The following MCMDC2 variants were observed in gnomAD, a reference collection of about 807,000 sequenced individuals.
The protein encoded by MCMDC2 is minichromosome maintenance domain-containing protein 2.
In MCMDC2, 54 loss-of-function variants were observed where a neutral mutation model predicts 75.8. The ratio of observed to expected loss-of-function variants is 0.71; its 90% CI spans 0.57 to 0.89. The LOEUF (loss-of-function observed/expected upper bound fraction) is 0.89, where lower values mean the gene tolerates loss of function less well. Among genes scored for constraint, MCMDC2 ranks in the 40% least tolerant of loss-of-function variants. The pLI is 0.00. For synonymous variants in MCMDC2, 249 were observed against 274.6 expected (o/e 0.91, Z 0.92); for missense variants, 656 against 780.4 (o/e 0.84, Z 1.90).
intron 12 of MCMDC2, 92 bp downstream of exon 12, chr8:66,897,051 T>C: frequency 8.4e-7 from 1 of 1,193,294 alleles, no homozygotes; most frequent in Non-Finnish European, 1.2e-6. Context: ...TTTCTTTATT[T>C]AGGATTCTTT....
At chr8:66,907,023 C>T (rs1175840591) in intron 14 of MCMDC2, among the ~76,000 whole-genome samples, 1 of 152,076 alleles carries the variant, frequency 6.6e-6, no homozygotes, top group Non-Finnish European at 1.5e-5. Flanking sequence ...CTGACTTGGC[C>T]TCCCAAAGTG....
At position 66,877,430 on chromosome 8, in the gene MCMDC2, A is replaced by C; in HGVS notation, c.367A>C (p.Thr123Pro). The C allele has an allele frequency of 6.2e-7, 1 of 1,613,176 alleles. No homozygotes were observed. The highest frequency in any genetic ancestry group is 1.1e-5 in the South Asian group (1 of 90,858). Residue 123 changes from threonine (T) to proline (P), a missense_variant, in exon 5 of 15, where the codon ACA (threonine) becomes CCA (proline). Coordinates refer to ENST00000422365, the MANE Select transcript of MCMDC2 (RefSeq NM_173518.5). The stretch of plus-strand genomic sequence containing the variant: ...TCTTTGTGAGTTTCCACTTGATTAT[A>C]CATCTCAGAGATTTTATATGATGCA... ...LDLCEFPLDY[T>P]SQRFYMMQGI...
rs1563379658 is a variant in MCMDC2 at position 66,895,509 on chromosome 8, C to A, written c.1280-661C>A. Reference sequence around the variant, plus strand: ...GCACCCTCCAACTCCTGGGCTCAAGCAATTCTCTCACCTCAGCCTCCCAAG... The same window carrying A: ...GCACCCTCCAACTCCTGGGCTCAAGAAATTCTCTCACCTCAGCCTCCCAAG... On this transcript the variant is annotated intron_variant, in intron 10 of 14. Transcript: ENST00000422365. Among the ~76,000 whole-genome samples, 4 of 151,696 alleles carry A rather than the reference C, an allele frequency of 2.6e-5. No individual in the cohort carries two copies. In the South Asian group the frequency reaches 6.3e-4, roughly 24 times the overall value.
chr8:66,915,723 T>C (rs1813290790), intron 14 of MCMDC2, among the ~76,000 whole-genome samples: 1 of 151,964 alleles, frequency 6.6e-6, no homozygotes, highest in African/African-American at 2.4e-5. Flanking sequence ...ATCACCAGCA[T>C]AGAGGTGGTA....
chr8:66,874,163 A>G lies in MCMDC2; in HGVS notation c.23A>G (p.Glu8Gly), dbSNP rs942499395. 2 of 1,602,072 alleles carry G rather than the reference A, an allele frequency of 1.2e-6. No individual in the cohort carries two copies. The highest frequency in any genetic ancestry group is 2.7e-5 in the African/African-American group (2 of 74,198). The change falls in exon 2 of 15, where the codon GAG becomes GGG. Residue 8 changes from glutamate to glycine, a missense_variant. By Grantham distance (98) the Glu-to-Gly change is moderately conservative. Transcript: ENST00000422365. ...AAAATGTCAAATCTAAAAATGAAAG[A>G]GGCGGCCCTCATCTATCTTGACAGA... Reference protein sequence around the residue: MSNLKMKEAALIYLDRSG... With the variant: MSNLKMKGAALIYLDRSG...
chr8:66,887,329 C>A (rs923985554), intron 9 of MCMDC2, among the ~76,000 whole-genome samples: 1 of 148,590 alleles, frequency 6.7e-6, no homozygotes, highest in Non-Finnish European at 1.5e-5. Context: ...CACCTGAAGT[C>A]AGGAGTTCGA....
rs187724508 is a variant in MCMDC2 at position 66,880,730 on chromosome 8, G to A, written c.710-119G>A. The A allele has an allele frequency of 2.9e-5, 30 of 1,034,834 alleles. No individual in the cohort carries two copies. In the East Asian group the frequency reaches 9.5e-4, roughly 33 times the overall value. The allele number at this position is 1,034,834 out of a possible 1,614,324, so 64.1% of individuals were successfully genotyped here. ...TATATGGATATTATCCTAAACAAAA[G>A]TAAATACTCCTAACTCAACTACTGA... On this transcript the variant is annotated intron_variant, in intron 7 of 14. Transcript: ENST00000422365.
intron 14 of MCMDC2, among the ~76,000 whole-genome samples, chr8:66,917,487 G>A (rs1813367508): frequency 6.6e-6 from 1 of 152,000 alleles, no homozygotes; most frequent in Non-Finnish European, 1.5e-5. Context: ...TCACACTGTT[G>A]GGCAACCATC....
Position 66,896,803 on chromosome 8 carries a change from C to A in MCMDC2, c.1470C>A (p.Asn490Lys), listed in dbSNP as rs748635809. The change falls in exon 12 of 15, where the codon AAC becomes AAA. Residue 490 changes from asparagine to lysine, a missense_variant. Coordinates refer to ENST00000422365, the MANE Select transcript of MCMDC2 (RefSeq NM_173518.5). ...AGGATTGCAGTTTGATTCCAGCTAA[C>A]CTTGTGGAGGCATTTGGTTTATTGA... is the stretch of plus-strand genomic sequence containing the variant. ...GQMDCSLIPANLVEAFGLLIN... is the reference protein window; with the variant it reads ...GQMDCSLIPAKLVEAFGLLIN... The A allele has an allele frequency of 1.2e-6, 2 of 1,611,600 alleles. No individual in the cohort carries two copies. The highest frequency in any genetic ancestry group is 1.7e-6 in the Non-Finnish European group (2 of 1,179,034).
Position 66,880,836 on chromosome 8 carries a change from T to G in MCMDC2, c.710-13T>G. On this transcript the variant is annotated splice_polypyrimidine_tract_variant and intron_variant, in intron 7 of 14. Transcript: ENST00000422365. ...AGTGAATATGTATTTTCTTCTGTCT[T>G]TAATAATTTTAGATGAATCAGTGAA... The G allele has an allele frequency of 6.6e-7, 1 of 1,521,600 alleles. No individual in the cohort carries two copies. The highest frequency in any genetic ancestry group is 2.4e-5 in the East Asian group (1 of 41,940). 94.3% of individuals were successfully genotyped at this position (1,521,600 alleles called of 1,614,324 possible).
chr8:66,901,132 C>A, intron 12 of MCMDC2, 74 bp from the exon 13 acceptor site: 1 of 1,049,132 alleles, frequency 9.5e-7, no homozygotes, highest in Non-Finnish European at 1.4e-6. Flanking sequence ...AATAAAGTGC[C>A]AGTATACTTT....
At chr8:66,907,793 G>A (rs1215151532) in intron 14 of MCMDC2, among the ~76,000 whole-genome samples, 2 of 152,128 alleles carry the variant, frequency 1.3e-5, no homozygotes, top group Middle Eastern at 3.2e-3. Flanking sequence ...ATATCTCATT[G>A]TGGTTTTGAT....
In MCMDC2 at chr8:66,881,057, G is replaced by A. The variant is rs1046919956; in HGVS notation, c.835+83G>A. ...CAGCAGATAAGTATTGTTTGCCTAT[G>A]TGCTAGGCATTCCTCTAAGCACTAA... is the stretch of plus-strand genomic sequence containing the variant. On this transcript the variant is annotated intron_variant, in intron 8 of 14. Coordinates refer to ENST00000422365, the MANE Select transcript of MCMDC2 (RefSeq NM_173518.5). The A allele has an allele frequency of 9.9e-6, 11 of 1,110,414 alleles. No individual in the cohort carries two copies. The Admixed American group carries it at 1.1e-4, about 12-fold the overall frequency. The allele number at this position is 1,110,414 out of a possible 1,614,324, so 68.8% of individuals were successfully genotyped here. A position where few individuals can be genotyped will look rare whatever the true frequency, so the allele number is the denominator to read the frequency against.
chr8:66,914,018 C>G (rs1813214205), intron 14 of MCMDC2, among the ~76,000 whole-genome samples: 1 of 150,492 alleles, frequency 6.6e-6, no homozygotes, highest in Non-Finnish European at 1.5e-5. Flanking sequence ...TGGCTCATGC[C>G]TGTAATCCCA....
intron 12 of MCMDC2, among the ~76,000 whole-genome samples, chr8:66,898,892 A>G (rs1200331726): frequency 2.6e-5 from 4 of 152,238 alleles, no homozygotes; most frequent in Non-Finnish European, 5.9e-5. Context: ...ATGGAAAACG[A>G]TAAGACCAGC....
In MCMDC2 at chr8:66,905,246, A is replaced by C. The variant is rs1218065612; in HGVS notation, c.1790A>C (p.His597Pro). 68 of 1,486,346 alleles carry C rather than the reference A, an allele frequency of 4.6e-5. No individual in the cohort carries two copies. Among genetic ancestry groups the C allele is most frequent in the Non-Finnish European group, 9.0e-7 (1 of 1,115,424 alleles). The allele number at this position is 1,486,346 out of a possible 1,614,324, so 92.1% of individuals were successfully genotyped here. ...LKYLVFLSEA[H>P]ARLNLRNKVL... ...TTTAGCGTTTTCCTATCTGAAGCCC[A>C]TGCACGACTGAACTTAAGGAACAAA... Residue 597 changes from histidine to proline, a missense_variant, in exon 14 of 15, where the codon CAT becomes CCT. By Grantham distance (77) the His-to-Pro change is moderately conservative (BLOSUM62 -2). Transcript: ENST00000422365.
Position 66,871,918 on chromosome 8 carries a change from G to A in MCMDC2, c.-89+1087G>A, listed in dbSNP as rs368364828. ...CCTGTCTCAAAAAAAAAAAAAATCT[G>A]ACTATAATACTAACCCCCTTAAAAA... is the stretch of plus-strand genomic sequence containing the variant. On this transcript the variant is annotated intron_variant, in intron 1 of 14. Transcript: ENST00000422365. 1.1e-4 allele frequency among the ~76,000 whole-genome samples: 17 copies of A among 150,650 alleles called. No individual in the cohort carries two copies. The East Asian group carries it at 2.9e-3, about 26-fold the overall frequency.
intron 14 of MCMDC2, among the ~76,000 whole-genome samples, chr8:66,912,231 ATG>A (rs1813147372): frequency 6.6e-6 from 1 of 152,222 alleles, no homozygotes; most frequent in Non-Finnish European, 1.5e-5. Context: ...GTAACTGCAA[ATG>A]TGGCGGCAAC....
downstream of MCMDC2, chr8:66,922,473 A>G: frequency 1.9e-6 from 1 of 518,672 alleles, no homozygotes; most frequent in Non-Finnish European, 3.8e-6. Context: ...CAGTACTGGC[A>G]TCTCAGTCTT....
Sources: allele counts gnomAD v4.1 joint callset (sites outside exome capture counted in the v4.1 genomes callset), GRCh38; gene constraint gnomAD v4.1.1; transcripts MANE v1.5; gene names NCBI Gene and HGNC (gene_info 2026-07-23, HGNC 2026-07-21).